ADCY6: variants seen among roughly 807,000 people sequenced by gnomAD.
The protein encoded by ADCY6 is adenylate cyclase type 6.
ADCY6 carries 59 observed loss-of-function variants against 111.6 expected under a neutral mutation model. The observed-to-expected ratio is 0.53, with a 90% CI of 0.43 to 0.66. The LOEUF (loss-of-function observed/expected upper bound fraction) is 0.66. Ranked by LOEUF, ADCY6 falls within the 30% of genes least tolerant of loss-of-function variation. ADCY6 has a pLI of 0.00. For synonymous variants in ADCY6, 576 were observed against 642.9 expected, an observed-to-expected ratio of 0.90 and a Z score of 1.57; for missense variants, 1,242 against 1,595.6, an observed-to-expected ratio of 0.78 and a Z score of 3.78.
In ADCY6 at chr12:48,775,945, G is replaced by T; in HGVS notation, c.1806+18C>A. On this transcript the variant is annotated intron_variant, in intron 9 of 21. Transcript: ENST00000357869. ...CTAAGAAAATGAGGCCCTAGGTCTG[G>T]TGCTGAGGGCCCCTCACCATCTGGC... 6.3e-7 allele frequency: 1 copy of T among 1,588,792 alleles called. No individual in the cohort carries two copies. Among genetic ancestry groups the T allele is most frequent in the Non-Finnish European group, 8.6e-7 (1 of 1,167,914 alleles).
chr12:48,766,807 C>A lies in ADCY6; in HGVS notation c.*1784G>T. ...TTCTCCTCTGCCTCTCTAGTCATTT[C>A]CAAGACAAAGTGATCTTCAAGCAAA... On this transcript the variant is annotated 3_prime_UTR_variant, in exon 22 of 22. Coordinates refer to ENST00000357869, the MANE Select transcript of ADCY6 (RefSeq NM_015270.5). The A allele has an allele frequency of 6.6e-6, 1 of 152,464 alleles. No homozygotes were observed. The highest frequency in any genetic ancestry group is 1.5e-5 in the Non-Finnish European group (1 of 68,092). The allele number at this position is 152,464 out of a possible 1,614,324, so 9.4% of individuals were successfully genotyped here.
At chr12:48,772,656 A>G in intron 16 of ADCY6, 113 bp from the exon 17 acceptor site, 1 of 1,271,824 alleles carries the variant, frequency 7.9e-7, no homozygotes, top group Non-Finnish European at 1.1e-6. Context: ...TAAGTCAGGC[A>G]TTGGGCCAGG....
At position 48,768,407 on chromosome 12, in the gene ADCY6, A is replaced by C; in HGVS notation, c.*184T>G. On this transcript the variant is annotated 3_prime_UTR_variant, in exon 22 of 22. Transcript: ENST00000357869. ...CACTTGCATAATCCTCTCGGTAGGT[A>C]GCCCCTTGTTTTCCAGCTTGAGGGC... is the stretch of plus-strand genomic sequence containing the variant. 1.3e-6 allele frequency: 1 copy of C among 767,870 alleles called. No homozygotes were observed. The highest frequency in any genetic ancestry group is 2.1e-6 in the Non-Finnish European group (1 of 475,344). 47.6% of individuals were successfully genotyped at this position (767,870 alleles called of 1,614,324 possible). A position where few individuals can be genotyped will look rare whatever the true frequency, so the allele number is the denominator to read the frequency against.
intron 1 of ADCY6, among the ~76,000 whole-genome samples, chr12:48,785,677 G>A (rs929025005): frequency 4.6e-5 from 7 of 152,180 alleles, no homozygotes; most frequent in African/African-American, 1.7e-4. Context: ...TGGATGGATG[G>A]ACGAATGATA....
intron 1 of ADCY6, among the ~76,000 whole-genome samples, chr12:48,786,856 C>A (rs1941987536): frequency 6.6e-6 from 1 of 152,204 alleles, no homozygotes; most frequent in Admixed American, 6.5e-5. Flanking sequence ...AGCCACACTG[C>A]CTTGGGCAAG....
chr12:48,775,205 T>G (rs1941663134), intron 11 of ADCY6, 98 bp downstream of exon 11: 1 of 1,545,656 alleles, frequency 6.5e-7, no homozygotes, highest in African/African-American at 1.4e-5. Flanking sequence ...CCCTTCTCCA[T>G]CCCCCAGAAA....
Position 48,777,851 on chromosome 12 carries a change from C to T in ADCY6, c.1015-115G>A. On this transcript the variant is annotated intron_variant, in intron 3 of 21. Transcript: ENST00000357869. This position sits in a 1 kb window ranked among gnomAD's most constrained non-coding sequence, Gnocchi z 4.9. ...AGACTTCTCTGAAGACCTGACCTTC[C>T]CTTCTGGACTGTGGCCTGACCTTCC... 6.7e-7 allele frequency: 1 copy of T among 1,488,230 alleles called. No individual in the cohort carries two copies. 92.2% of individuals were successfully genotyped at this position (1,488,230 alleles called of 1,614,324 possible).
Position 48,767,953 on chromosome 12 carries a change from T to C in ADCY6, c.*638A>G, listed in dbSNP as rs1481915390. ...CTGTCAGAGGTCCCTTTGTTCCCCT[T>C]TGGGGACAGATCATGGGACTAAGAT... On this transcript the variant is annotated 3_prime_UTR_variant, in exon 22 of 22. Coordinates refer to ENST00000357869, the MANE Select transcript of ADCY6 (RefSeq NM_015270.5). 6.4e-6 allele frequency: 1 copy of C among 155,420 alleles called. No homozygotes were observed. Among genetic ancestry groups the C allele is most frequent in the Non-Finnish European group, 1.4e-5 (1 of 69,728 alleles). The allele number at this position is 155,420 out of a possible 1,614,324, so 9.6% of individuals were successfully genotyped here.
At position 48,780,929 on chromosome 12, in the gene ADCY6, G is replaced by GGT. The variant is rs1212793710; in HGVS notation, c.864+1640_864+1641dup. On this transcript the variant is annotated intron_variant, in intron 2 of 21. Transcript: ENST00000357869. ...GCATTCTGGCATTCTGGCCAGGTGC[G>GGT]GTGGCTCACGCTTGTAATCCCAGCA... Among the ~76,000 whole-genome samples, 3 of 152,300 alleles carry GGT rather than the reference G, an allele frequency of 2.0e-5. No homozygotes were observed. In the East Asian group the frequency reaches 5.8e-4, roughly 29 times the overall value.
At chr12:48,787,018 G>A (rs1384641863) in intron 1 of ADCY6, among the ~76,000 whole-genome samples, 1 of 152,194 alleles carries the variant, frequency 6.6e-6, no homozygotes, top group Non-Finnish European at 1.5e-5. Context: ...CCAAACCTCT[G>A]TCATCGTCAA....
Position 48,771,964 on chromosome 12 carries a change from C to A in ADCY6, c.2797G>T (p.Glu933Ter), listed in dbSNP as rs776609767. 6.2e-7 allele frequency: 1 copy of A among 1,609,296 alleles called. No homozygotes were observed. Residue 933 changes from glutamate (E) to a stop codon, truncating the protein, a stop_gained, in exon 19 of 22, where the codon GAG (glutamate) becomes TAG (stop). Transcript: ENST00000357869. LOFTEE classifies it high-confidence loss of function. This position sits in a 1 kb window ranked among gnomAD's most constrained non-coding sequence, Gnocchi z 4.3. ...TGTAGCTCCTCCATCTCCTCCTTCT[C>A]CCCTGTTGCCTGTGGACACCACACC... ...DFLWKLQATG[E>*]KEEMEELQAY...
At chr12:48,774,312 A>G in intron 14 of ADCY6, 90 bp downstream of exon 14, 8 of 1,368,828 alleles carry the variant, frequency 5.8e-6, no homozygotes, top group Non-Finnish European at 8.3e-6. Context: ...CTGAGGGCAG[A>G]AAATATGTCC....
Position 48,777,473 on chromosome 12 carries a change from G to A in ADCY6, c.1185C>T (p.Cys395=). 1 of 1,613,208 alleles carries A rather than the reference G, an allele frequency of 6.2e-7. No homozygotes were observed. The highest frequency in any genetic ancestry group is 8.5e-7 in the Non-Finnish European group (1 of 1,180,040). ...GGGTCATGACCAGCTCCTGCGCAGT[G>A]CACTGGGATGCCAGGCTGGTGAAGC... ...IEGFTSLASQ[C]TAQELVMTLN... is the part of the protein sequence containing the mutation. Residue 395 remains cysteine, a synonymous_variant, in exon 5 of 22, where the codon TGC becomes TGT. Transcript: ENST00000357869. This position sits in a 1 kb window ranked among gnomAD's most constrained non-coding sequence, Gnocchi z 4.9.
Position 48,783,358 on chromosome 12 carries a change from T to G in ADCY6, c.77A>C (p.Lys26Thr). ...CCGAGTGCCACGGCGCCGCGAACGCTTCTGCCCATTGCGTTCACCCCAGGC... is the reference window on the plus strand; with the variant it reads ...CCGAGTGCCACGGCGCCGCGAACGCGTCTGCCCATTGCGTTCACCCCAGGC... ...KTAWGERNGQ[K>T]RSRRRGTRAG... Residue 26 changes from lysine to threonine, a missense_variant, in exon 2 of 22, where the codon AAG (lysine) becomes ACG (threonine). By Grantham distance (78) the Lys-to-Thr change is moderately conservative. This residue lies in a region of ADCY6 where 362 missense variants were observed against 377.2 expected (regional missense o/e 0.96). Coordinates refer to ENST00000357869, the MANE Select transcript of ADCY6 (RefSeq NM_015270.5). 2 of 1,614,198 alleles carry G rather than the reference T, an allele frequency of 1.2e-6. No individual in the cohort carries two copies. Among genetic ancestry groups the G allele is most frequent in the Non-Finnish European group, 1.7e-6 (2 of 1,180,042 alleles).
At position 48,770,755 on chromosome 12, in the gene ADCY6, A is replaced by C. The variant is rs1171105396; in HGVS notation, c.3256+11T>G. On this transcript the variant is annotated intron_variant, in intron 20 of 21. Coordinates refer to ENST00000357869, the MANE Select transcript of ADCY6 (RefSeq NM_015270.5). ...CCTGGGAAAACCCGCCAAGCAACAAAGCCCTCTTACCAATCTTCATCTGGA... is the reference window on the plus strand; with the variant it reads ...CCTGGGAAAACCCGCCAAGCAACAACGCCCTCTTACCAATCTTCATCTGGA... 1 of 1,612,418 alleles carries C rather than the reference A, an allele frequency of 6.2e-7. No homozygotes were observed. Among genetic ancestry groups the C allele is most frequent in the East Asian group, 2.2e-5 (1 of 44,846 alleles).
At chr12:48,786,058 C>A (rs1941973720) in intron 1 of ADCY6, among the ~76,000 whole-genome samples, 1 of 152,192 alleles carries the variant, frequency 6.6e-6, no homozygotes, top group Admixed American at 6.5e-5. Context: ...CAGGGCCACA[C>A]TCCTCTATGC....
chr12:48,777,668 T>C lies in ADCY6; in HGVS notation c.1083A>G (p.Lys361=). ...AMEMKEDINT[K]KEDMMFHKIY... ...TCTTGTGGAACATCATGTCTTCTTT[T>C]TTTGTGTTGATGTCTTCTTTCATCT... Residue 361 remains lysine (K), a synonymous_variant, in exon 4 of 22, where the codon AAA becomes AAG. Coordinates refer to ENST00000357869, the MANE Select transcript of ADCY6 (RefSeq NM_015270.5). The surrounding 1 kb of genome is among the most constrained non-coding windows in gnomAD (Gnocchi z 4.9). 1 of 1,613,832 alleles carries C rather than the reference T, an allele frequency of 6.2e-7. No homozygotes were observed. Among genetic ancestry groups the C allele is most frequent in the Non-Finnish European group, 8.5e-7 (1 of 1,179,966 alleles).
intron 2 of ADCY6, among the ~76,000 whole-genome samples, chr12:48,778,872 ATTTTTTT>A (rs1037254707): frequency 8.0e-4 from 58 of 72,412 alleles, no homozygotes; most frequent in African/African-American, 2.9e-3. Context: ...TGAATAACAC[ATTTTTTT>A]TTTTTTTTTT....
At position 48,776,091 on chromosome 12, in the gene ADCY6, T is replaced by C; in HGVS notation, c.1678A>G (p.Lys560Glu). The C allele has an allele frequency of 6.2e-7, 1 of 1,613,750 alleles. No individual in the cohort carries two copies. Among genetic ancestry groups the C allele is most frequent in the Non-Finnish European group, 8.5e-7 (1 of 1,179,816 alleles). Residue 560 changes from lysine (K) to glutamate (E), a missense_variant and splice_region_variant, in exon 9 of 22, where the codon AAA becomes GAA. Physicochemically the swap from Lys to Glu is moderately conservative, Grantham distance 56. Coordinates refer to ENST00000357869, the MANE Select transcript of ADCY6 (RefSeq NM_015270.5). The surrounding 1 kb of genome is among the most constrained non-coding windows in gnomAD (Gnocchi z 6.1). ...FLILGASQKR[K>E]EEKAMLAKLQ... Reference sequence around the variant, plus strand: ...TTGGCCAGCATGGCCTTCTCCTCTTTCTGTGCGGGCAGCATGGGTACAGGC... The same window carrying C: ...TTGGCCAGCATGGCCTTCTCCTCTTCCTGTGCGGGCAGCATGGGTACAGGC...
Sources: allele counts gnomAD v4.1 joint callset (sites outside exome capture counted in the v4.1 genomes callset), GRCh38; gene constraint gnomAD v4.1.1; regional missense constraint gnomAD v4.1.1; non-coding constraint Gnocchi (gnomAD v3.1); transcripts MANE v1.5; gene names NCBI Gene and HGNC (gene_info 2026-07-23, HGNC 2026-07-21).